Variants in C8orf34 observed in about 807,000 individuals in gnomAD.
The protein encoded by C8orf34 is uncharacterized protein C8orf34.
Under a neutral mutation model 68.3 loss-of-function variants are expected in C8orf34, and 65 were observed. The observed-to-expected ratio is 0.95, with a 90% CI of 0.78 to 1.17. C8orf34 has a LOEUF of 1.17. C8orf34 is among the 50% of genes most tolerant of loss of function. The pLI, the probability that C8orf34 is intolerant of heterozygous loss-of-function variation, is 0.00. For missense variants in C8orf34, 664 were observed against 655.4 expected, an observed-to-expected ratio of 1.01 and a Z score of -0.14; for synonymous variants, 244 against 241.2, an observed-to-expected ratio of 1.01 and a Z score of -0.11.
chr8:68,587,201 TC>T (rs1817235455), intron 7 of C8orf34, among the ~76,000 whole-genome samples: 1 of 152,120 alleles, frequency 6.6e-6, no homozygotes, highest in African/African-American at 2.4e-5. Flanking sequence ...CAGTAATCTA[TC>T]ATAGGATTTC....
chr8:68,746,560 C>G (rs1336060917), intron 10 of C8orf34, among the ~76,000 whole-genome samples: 2 of 135,788 alleles, frequency 1.5e-5, no homozygotes, highest in Non-Finnish European at 3.2e-5. Flanking sequence ...ATATCACCAC[C>G]GATCCCACAG....
At chr8:68,814,302 A>G (rs934813794) in intron 12 of C8orf34, among the ~76,000 whole-genome samples, 3 of 152,192 alleles carry the variant, frequency 2.0e-5, no homozygotes, top group Admixed American at 6.5e-5. Flanking sequence ...GTGTTTTAAA[A>G]AGCCCTCTGG....
chr8:68,493,624 T>G (rs369623383), intron 5 of C8orf34, among the ~76,000 whole-genome samples: 166 of 152,334 alleles, frequency 1.1e-3, no homozygotes, highest in African/African-American at 3.8e-3. Context: ...GTTTGAATGT[T>G]TGTATCTTTC....
chr8:68,798,437 T>C (rs573156790), intron 12 of C8orf34, among the ~76,000 whole-genome samples: 20 of 152,168 alleles, frequency 1.3e-4, no homozygotes, highest in Admixed American at 6.5e-4. Flanking sequence ...CAACATATTA[T>C]GAGCTTCAGA....
chr8:68,782,825 AG>A (rs1390062222), intron 11 of C8orf34, among the ~76,000 whole-genome samples: 1 of 152,106 alleles, frequency 6.6e-6, no homozygotes, highest in Non-Finnish European at 1.5e-5. Context: ...TAGGAGGCAG[AG>A]GCAGAGGATG....
At chr8:68,739,193 C>T (rs1480187411) in intron 10 of C8orf34, among the ~76,000 whole-genome samples, 16 of 152,070 alleles carry the variant, frequency 1.1e-4, no homozygotes, top group Admixed American at 9.2e-4. Flanking sequence ...CAAGAAACTA[C>T]ATGATTATCT....
chr8:68,598,144 T>C (rs1817599583), intron 7 of C8orf34, among the ~76,000 whole-genome samples: 2 of 152,096 alleles, frequency 1.3e-5, no homozygotes, highest in Admixed American at 1.3e-4. Flanking sequence ...AACAATGCCT[T>C]ACTAGTGACA....
chr8:68,564,943 G>T (rs1308985943), intron 7 of C8orf34, among the ~76,000 whole-genome samples: 1 of 152,188 alleles, frequency 6.6e-6, no homozygotes, highest in African/African-American at 2.4e-5. Context: ...ACTCTGCTGT[G>T]CATATACTCT....
chr8:68,459,185 G>C (rs543952945), intron 3 of C8orf34, among the ~76,000 whole-genome samples: 1 of 152,178 alleles, frequency 6.6e-6, no homozygotes, highest in South Asian at 2.1e-4. Context: ...ATAGATGTTA[G>C]CAAGGATGCA....
At chr8:68,515,694 A>G (rs1461957883) in intron 5 of C8orf34, among the ~76,000 whole-genome samples, 2 of 152,226 alleles carry the variant, frequency 1.3e-5, no homozygotes, top group Non-Finnish European at 2.9e-5. Context: ...GACTAGTAAG[A>G]TGCAGATGGT....
chr8:68,419,367 T>G (rs1256761543), intron 1 of C8orf34, among the ~76,000 whole-genome samples: 1 of 149,082 alleles, frequency 6.7e-6, no homozygotes, highest in Non-Finnish European at 1.5e-5. Flanking sequence ...GGAACACTTT[T>G]ACACTGTTGG....
chr8:68,709,865 C>T (rs1821282049), intron 9 of C8orf34, among the ~76,000 whole-genome samples: 1 of 152,086 alleles, frequency 6.6e-6, no homozygotes, highest in Non-Finnish European at 1.5e-5. Flanking sequence ...CACTCCAATG[C>T]CATCTAAGGT....
intron 7 of C8orf34, among the ~76,000 whole-genome samples, chr8:68,577,336 T>C (rs1399612097): frequency 6.6e-6 from 1 of 152,032 alleles, no homozygotes; most frequent in Non-Finnish European, 1.5e-5. Flanking sequence ...CATAGACTGT[T>C]ATCATCATAA....
intron 10 of C8orf34, among the ~76,000 whole-genome samples, chr8:68,739,831 T>C (rs1025725442): frequency 2.0e-5 from 3 of 152,116 alleles, no homozygotes; most frequent in African/African-American, 7.2e-5. Context: ...CCCACAAAGC[T>C]GGAGGCATCA....
intron 12 of C8orf34, among the ~76,000 whole-genome samples, chr8:68,808,047 C>T (rs1824537149): frequency 6.6e-6 from 1 of 152,082 alleles, no homozygotes; most frequent in African/African-American, 2.4e-5. Flanking sequence ...TCTCAGGAGT[C>T]TCTCTGGAAT....
At chr8:68,809,179 T>C (rs1242383384) in intron 12 of C8orf34, among the ~76,000 whole-genome samples, 1 of 152,220 alleles carries the variant, frequency 6.6e-6, no homozygotes, top group Non-Finnish European at 1.5e-5. Context: ...ATAAGGGATA[T>C]ACTAACTACA....
intron 3 of C8orf34, among the ~76,000 whole-genome samples, chr8:68,456,972 G>T (rs1447861350): frequency 6.6e-6 from 1 of 152,158 alleles, no homozygotes; most frequent in African/African-American, 2.4e-5. Context: ...GAAAGACATT[G>T]TCTATCAATA....
chr8:68,361,068 A>G (rs1188934499), intron 1 of C8orf34, among the ~76,000 whole-genome samples: 1 of 152,002 alleles, frequency 6.6e-6, no homozygotes, highest in Non-Finnish European at 1.5e-5. Flanking sequence ...CCTTTTTTCT[A>G]TAATGTCCTA....
chr8:68,419,017 A>G (rs1424645834), intron 1 of C8orf34, among the ~76,000 whole-genome samples: 3 of 149,928 alleles, frequency 2.0e-5, no homozygotes, highest in Non-Finnish European at 4.5e-5. Context: ...TGCACAGCAA[A>G]AGAAACTACC....
Sources: allele counts gnomAD v4.1 joint callset (sites outside exome capture counted in the v4.1 genomes callset), GRCh38; gene constraint gnomAD v4.1.1; transcripts MANE v1.5; gene names NCBI Gene and HGNC (gene_info 2026-07-23, HGNC 2026-07-21).